Variants in WLS observed in about 807,000 individuals in gnomAD.
The protein encoded by WLS is protein wntless homolog.
Under a neutral mutation model 62.8 loss-of-function variants are expected in WLS, and 23 were observed. The ratio of observed to expected loss-of-function variants is 0.37; its 90% CI spans 0.26 to 0.52. The LOEUF (loss-of-function observed/expected upper bound fraction) is 0.52. Ranked by LOEUF, WLS falls within the 20% of genes least tolerant of loss-of-function variation. The probability of loss-of-function intolerance (pLI) is 0.92; values close to 1 mark genes in which losing one functional copy is unlikely to be tolerated. For missense variants in WLS, 615 were observed against 697.3 expected (o/e 0.88, Z 1.33); for synonymous variants, 246 against 244.1 (o/e 1.01, Z -0.07).
At chr1:68,171,478 A>G (rs1437762991) in intron 2 of WLS, among the ~76,000 whole-genome samples, 1 of 152,184 alleles carries the variant, frequency 6.6e-6, no homozygotes, top group African/African-American at 2.4e-5. Context: ...AAAAAAAACA[A>G]AAAACCCCAT....
At chr1:68,216,268 C>A (rs946407820) in intron 1 of WLS, among the ~76,000 whole-genome samples, 2 of 152,180 alleles carry the variant, frequency 1.3e-5, no homozygotes, top group African/African-American at 2.4e-5. Context: ...GCCAAATAAA[C>A]CATACCACAA....
rs565656739 is a variant in WLS at position 68,128,116 on chromosome 1, T to C, written c.1517-1781A>G. ...GGCAAGGGTCTAATCCACAGGACTA[T>C]GGGTAGAGAAGGCATTAAAGGGGCA... is the stretch of plus-strand genomic sequence containing the variant. On this transcript the variant is annotated intron_variant, in intron 11 of 11. Transcript: ENST00000262348. Among the ~76,000 whole-genome samples, 4 of 152,244 alleles carry C rather than the reference T, an allele frequency of 2.6e-5. No homozygotes were observed. The South Asian group carries it at 8.3e-4, about 32-fold the overall frequency.
intron 10 of WLS, 130 bp downstream of exon 10, chr1:68,144,439 T>C (rs1367884424): frequency 2.6e-6 from 2 of 783,086 alleles, no homozygotes; most frequent in African/African-American, 3.6e-5. Context: ...CCCAGAAAAA[T>C]ATGGCTTGAC....
chr1:68,215,114 G>C (rs1403523882), intron 1 of WLS, among the ~76,000 whole-genome samples: 39 of 152,188 alleles, frequency 2.6e-4, no homozygotes, highest in Admixed American at 2.6e-3. Flanking sequence ...CACATGGACT[G>C]AGAGTGGGGA....
At chr1:68,153,213 G>A (rs1281535168) in intron 5 of WLS, among the ~76,000 whole-genome samples, 4 of 152,308 alleles carry the variant, frequency 2.6e-5, no homozygotes, top group African/African-American at 7.2e-5. Flanking sequence ...AGTCAAGGCT[G>A]CAGCAAGCTG....
rs546755550 is a variant in WLS at position 68,222,166 on chromosome 1, G to A, written c.106+10028C>T. Among the ~76,000 whole-genome samples, 290 of 152,200 alleles carry A rather than the reference G, an allele frequency of 1.9e-3. 2 individuals carry two copies. Among genetic ancestry groups the A allele is most frequent in the Non-Finnish European group, 3.3e-3 (223 of 68,020 alleles). On this transcript the variant is annotated intron_variant, in intron 1 of 11. Transcript: ENST00000262348. Reference sequence around the variant, plus strand: ...GACTGATAAAGTCTTAAAACTAGACGCAAGGACTGTGCTTTGGATTGGATA... The same window carrying A: ...GACTGATAAAGTCTTAAAACTAGACACAAGGACTGTGCTTTGGATTGGATA...
downstream of WLS, among the ~76,000 whole-genome samples, chr1:68,122,349 A>G (rs563897942): frequency 1.3e-5 from 2 of 152,296 alleles, no homozygotes; most frequent in Admixed American, 1.3e-4. Context: ...CAGGCATCAG[A>G]ATTGTTAGAG....
rs112816033 is a variant in WLS at position 68,162,372 on chromosome 1, G to A, written c.380-3125C>T. On this transcript the variant is annotated intron_variant, in intron 2 of 11. Transcript: ENST00000262348. Reference sequence around the variant, plus strand: ...TATGTTCGTTGAGATTGCAGTGCAAGGAGACGCAGTCGCTCTGATACAGCA... The same window carrying A: ...TATGTTCGTTGAGATTGCAGTGCAAAGAGACGCAGTCGCTCTGATACAGCA... The A allele has an allele frequency of 3.2e-5, 52 of 1,613,856 alleles. No homozygotes were observed. In the African/African-American group the frequency reaches 5.9e-4, roughly 18 times the overall value.
chr1:68,125,421 A>G lies in WLS; in HGVS notation c.*805T>C, dbSNP rs1046852. On this transcript the variant is annotated 3_prime_UTR_variant, in exon 12 of 12. Coordinates refer to ENST00000262348, the MANE Select transcript of WLS (RefSeq NM_024911.7). ...TGCATATACATACAGGTTTATTTAA[A>G]TGATTGGATCTACACTTTTGGAGGC... 662,361 of 981,504 alleles carry G rather than the reference A, an allele frequency of 0.67. 223,425 individuals carry two copies. The highest frequency in any genetic ancestry group is 0.73 in the Middle Eastern group (1,381 of 1,898). 60.8% of individuals were successfully genotyped at this position (981,504 alleles called of 1,614,324 possible).
At chr1:68,183,390 T>C (rs187730857) in intron 2 of WLS, 1 of 240,148 alleles carries the variant, frequency 4.2e-6, no homozygotes, top group East Asian at 1.3e-4. Context: ...TACAATTATG[T>C]GAATATCATA....
At chr1:68,223,471 A>G (rs1191486522) in intron 1 of WLS, among the ~76,000 whole-genome samples, 2 of 152,206 alleles carry the variant, frequency 1.3e-5, no homozygotes, top group African/African-American at 4.8e-5. Flanking sequence ...TGGTGACTCA[A>G]AGAAGGAAAA....
chr1:68,161,059 C>G (rs1646965197), intron 2 of WLS, among the ~76,000 whole-genome samples: 1 of 152,216 alleles, frequency 6.6e-6, no homozygotes, highest in African/African-American at 2.4e-5. Context: ...CAACTTTCCA[C>G]TCAATAAAAC....
At chr1:68,206,421 G>A (rs1649281567) in intron 1 of WLS, among the ~76,000 whole-genome samples, 1 of 152,182 alleles carries the variant, frequency 6.6e-6, no homozygotes, top group Non-Finnish European at 1.5e-5. Context: ...TGAAGAAAAT[G>A]AGCTGCCGGC....
At chr1:68,109,598 TAGA>T (rs1421815847) in intron 11 of WLS, among the ~76,000 whole-genome samples, 2 of 152,136 alleles carry the variant, frequency 1.3e-5, no homozygotes, top group Non-Finnish European at 2.9e-5. Context: ...ACATAACTTT[TAGA>T]AATGAAAAAT....
At chr1:68,099,988 T>C (rs1416095287) in intron 11 of WLS, among the ~76,000 whole-genome samples, 1 of 152,258 alleles carries the variant, frequency 6.6e-6, no homozygotes, top group African/African-American at 2.4e-5. Flanking sequence ...TAGGAGAGTA[T>C]ACAGTAGTTA....
intron 1 of WLS, among the ~76,000 whole-genome samples, chr1:68,218,604 C>T (rs1034344265): frequency 6.6e-6 from 1 of 152,210 alleles, no homozygotes; most frequent in Non-Finnish European, 1.5e-5. Flanking sequence ...GTCATACTTG[C>T]TTCCTTCCCT....
chr1:68,114,430 G>A (rs189890422), intron 11 of WLS, among the ~76,000 whole-genome samples: 205 of 152,276 alleles, frequency 1.3e-3, no homozygotes, highest in Middle Eastern at 3.4e-3. Context: ...CTATAATGAT[G>A]ATGATGATGG....
intron 2 of WLS, among the ~76,000 whole-genome samples, chr1:68,163,980 C>T (rs1647024518): frequency 6.6e-6 from 1 of 152,132 alleles, no homozygotes; most frequent in Non-Finnish European, 1.5e-5. Context: ...GGCAGCATGG[C>T]AGATCCCTGG....
intron 2 of WLS, among the ~76,000 whole-genome samples, chr1:68,190,778 C>G (rs1450862129): frequency 6.6e-6 from 1 of 152,156 alleles, no homozygotes; most frequent in Non-Finnish European, 1.5e-5. Context: ...TTATAGGTGG[C>G]CAGGCACGGT....
Sources: allele counts gnomAD v4.1 joint callset (sites outside exome capture counted in the v4.1 genomes callset), GRCh38; gene constraint gnomAD v4.1.1; transcripts MANE v1.5; gene names NCBI Gene and HGNC (gene_info 2026-07-23, HGNC 2026-07-21).